HS2ST1: variants seen among roughly 807,000 people sequenced by gnomAD.
HS2ST1 encodes heparan sulfate 2-O-sulfotransferase 1.
Under a neutral mutation model 42.9 loss-of-function variants are expected in HS2ST1, and 18 were observed. The observed-to-expected ratio is 0.42, with a 90% confidence interval of 0.29 to 0.62. The LOEUF (loss-of-function observed/expected upper bound fraction) is 0.62, where lower values mean the gene tolerates loss of function less well. HS2ST1 is among the 20% of genes least tolerant of loss of function. The probability of loss-of-function intolerance (pLI) is 0.21; values close to 1 mark genes in which losing one functional copy is unlikely to be tolerated. For synonymous variants in HS2ST1, 146 were observed against 152.9 expected, an observed-to-expected ratio of 0.95 and a Z score of 0.33; for missense variants, 334 against 433.8, an observed-to-expected ratio of 0.77 and a Z score of 2.04.
chr1:86,971,548 G>T (rs1389587155), intron 1 of HS2ST1, among the ~76,000 whole-genome samples: 1 of 152,130 alleles, frequency 6.6e-6, no homozygotes, highest in Non-Finnish European at 1.5e-5. Context: ...TAACAGATTG[G>T]CTATGAAGAT....
At position 87,059,084 on chromosome 1, in the gene HS2ST1, T is replaced by C. The variant is rs550801401; in HGVS notation, c.125-13850T>C. On this transcript the variant is annotated intron_variant, in intron 1 of 6. Coordinates refer to ENST00000370550, the MANE Select transcript of HS2ST1 (RefSeq NM_012262.4). ...AAAAAAATAAAAAATGAATAAAATA[T>C]GAAGCATTGTTCCTGGCTCACAGTA... is the stretch of plus-strand genomic sequence containing the variant. Among the ~76,000 whole-genome samples the C allele has an allele frequency of 5.3e-5, 8 of 152,206 alleles. No homozygotes were observed. In the East Asian group the frequency reaches 1.5e-3, roughly 29 times the overall value.
chr1:87,035,843 C>CT (rs975377645), intron 1 of HS2ST1, among the ~76,000 whole-genome samples: 2 of 145,048 alleles, frequency 1.4e-5, no homozygotes, highest in African/African-American at 2.8e-5. Flanking sequence ...TTACTATACT[C>CT]TAAGTTCTGG....
chr1:86,945,530 A>T (rs976099317), intron 1 of HS2ST1, among the ~76,000 whole-genome samples: 1 of 150,024 alleles, frequency 6.7e-6, no homozygotes, highest in African/African-American at 2.5e-5. Flanking sequence ...TTGATTCCGC[A>T]TCTCTTTTAA....
chr1:87,037,576 G>C (rs1409224921), intron 1 of HS2ST1, among the ~76,000 whole-genome samples: 1 of 150,688 alleles, frequency 6.6e-6, no homozygotes, highest in Non-Finnish European at 1.5e-5. Flanking sequence ...TTTAAAAATA[G>C]AATATTTCAA....
chr1:87,086,447 T>C (rs1651817316), intron 3 of HS2ST1, among the ~76,000 whole-genome samples: 1 of 152,212 alleles, frequency 6.6e-6, no homozygotes, highest in Admixed American at 6.5e-5. Context: ...TTGACTGGCA[T>C]AGTACTTTGT....
At chr1:86,974,888 T>G (rs1237328719) in intron 1 of HS2ST1, among the ~76,000 whole-genome samples, 2 of 152,208 alleles carry the variant, frequency 1.3e-5, no homozygotes, top group Non-Finnish European at 2.9e-5. Flanking sequence ...TCAGGATCTT[T>G]CTGATCTCTT....
At chr1:86,991,416 T>C (rs558653028) in intron 1 of HS2ST1, among the ~76,000 whole-genome samples, 6 of 152,296 alleles carry the variant, frequency 3.9e-5, no homozygotes, top group Admixed American at 2.6e-4. Flanking sequence ...AAGTGCTGTA[T>C]TGGTTACAGG....
intron 1 of HS2ST1, among the ~76,000 whole-genome samples, chr1:87,040,788 CAGG>C (rs2100604234): frequency 1.3e-5 from 2 of 152,104 alleles, no homozygotes; most frequent in South Asian, 4.2e-4. Flanking sequence ...ATCTGTGTCT[CAGG>C]GGGAAAAAAG....
At chr1:86,974,895 T>C (rs1315900400) in intron 1 of HS2ST1, among the ~76,000 whole-genome samples, 1 of 152,224 alleles carries the variant, frequency 6.6e-6, no homozygotes, top group Non-Finnish European at 1.5e-5. Context: ...CTTTCTGATC[T>C]CTTTTGGTCT....
intron 1 of HS2ST1, among the ~76,000 whole-genome samples, chr1:87,042,973 G>A (rs778813576): frequency 8.6e-5 from 13 of 152,036 alleles, no homozygotes; most frequent in Middle Eastern, 3.2e-3. Flanking sequence ...AATCATGGTA[G>A]CCATTTAAAG....
At chr1:87,005,122 A>G (rs1024846518) in intron 1 of HS2ST1, among the ~76,000 whole-genome samples, 4 of 152,152 alleles carry the variant, frequency 2.6e-5, no homozygotes, top group African/African-American at 7.2e-5. Context: ...CTTTGTATCA[A>G]TATCTTTTAA....
intron 1 of HS2ST1, among the ~76,000 whole-genome samples, chr1:86,996,217 C>T (rs957648801): frequency 7.3e-5 from 11 of 151,704 alleles, no homozygotes; most frequent in African/African-American, 1.7e-4. Context: ...CCGAGGCGGG[C>T]GGATCACTTG....
intron 4 of HS2ST1, among the ~76,000 whole-genome samples, chr1:87,095,990 G>GTT (rs1464506700): frequency 9.8e-6 from 1 of 101,866 alleles, no homozygotes; most frequent in Admixed American, 9.8e-5. Context: ...TTCATTTTCT[G>GTT]TTTTTTTGTT....
At chr1:87,024,108 T>A (rs1024014258) in intron 1 of HS2ST1, among the ~76,000 whole-genome samples, 1 of 152,188 alleles carries the variant, frequency 6.6e-6, no homozygotes, top group African/African-American at 2.4e-5. Flanking sequence ...AAGAGCAGTG[T>A]CTTAAAGACT....
intron 1 of HS2ST1, among the ~76,000 whole-genome samples, chr1:87,070,006 T>C (rs1268113085): frequency 6.6e-6 from 1 of 152,198 alleles, no homozygotes; most frequent in East Asian, 1.9e-4. Context: ...TTTCCAAGTA[T>C]TTGATTTGAA....
chr1:87,027,956 C>T (rs1451802029), intron 1 of HS2ST1, among the ~76,000 whole-genome samples: 1 of 152,224 alleles, frequency 6.6e-6, no homozygotes, highest in Non-Finnish European at 1.5e-5. Flanking sequence ...TCCCGAAGTG[C>T]TGGGATTACA....
intron 5 of HS2ST1, among the ~76,000 whole-genome samples, chr1:87,101,719 A>T (rs995366127): frequency 3.9e-5 from 6 of 152,126 alleles, no homozygotes; most frequent in African/African-American, 1.4e-4. Flanking sequence ...GAGCCCTTCA[A>T]ATTCTTCCAA....
At chr1:86,967,371 T>C (rs1648079047) in intron 1 of HS2ST1, among the ~76,000 whole-genome samples, 3 of 152,150 alleles carry the variant, frequency 2.0e-5, no homozygotes, top group Non-Finnish European at 4.4e-5. Flanking sequence ...TCGTGGTGAA[T>C]TCTGAGATTT....
At chr1:87,016,157 TTG>T (rs1254583770) in intron 1 of HS2ST1, among the ~76,000 whole-genome samples, 2 of 152,162 alleles carry the variant, frequency 1.3e-5, no homozygotes, top group African/African-American at 4.8e-5. Flanking sequence ...TTTCGTGTTG[TTG>T]TGTGTTTGCT....
Sources: allele counts gnomAD v4.1 joint callset (sites outside exome capture counted in the v4.1 genomes callset), GRCh38; gene constraint gnomAD v4.1.1; transcripts MANE v1.5; gene names NCBI Gene and HGNC (gene_info 2026-07-23, HGNC 2026-07-21).